ADAMTS17: variants seen among roughly 807,000 people sequenced by gnomAD.
ADAMTS17 encodes A disintegrin and metalloproteinase with thrombospondin motifs 17.
ADAMTS17 carries 113 observed loss-of-function variants against 141.5 expected under a neutral mutation model. The observed-to-expected ratio is 0.80, with a 90% CI of 0.69 to 0.93. The LOEUF (loss-of-function observed/expected upper bound fraction) is 0.93. ADAMTS17 is among the 40% of genes least tolerant of loss of function. The pLI is 0.00. For missense variants in ADAMTS17, 1,659 were observed against 1,517.9 expected, an observed-to-expected ratio of 1.09 and a Z score of -1.54; for synonymous variants, 768 against 630.6, an observed-to-expected ratio of 1.22 and a Z score of -3.27.
At chr15:100,109,202 C>G in intron 13 of ADAMTS17, 86 bp from the exon 14 acceptor site, 1 of 1,543,138 alleles carries the variant, frequency 6.5e-7, no homozygotes, top group Non-Finnish European at 8.8e-7. Flanking sequence ...CAGAGGGAAA[C>G]CCTGAGGAAG....
intron 18 of ADAMTS17, among the ~76,000 whole-genome samples, chr15:100,031,008 C>T (rs148698448): frequency 2.7e-4 from 41 of 152,298 alleles, no homozygotes; most frequent in African/African-American, 8.2e-4. Context: ...CTGGCGTTCA[C>T]GGAGTGCTGA....
chr15:100,159,184 G>C (rs2039577196), intron 8 of ADAMTS17, among the ~76,000 whole-genome samples: 1 of 152,162 alleles, frequency 6.6e-6, no homozygotes, highest in Admixed American at 6.5e-5. Context: ...TTCAGTTACA[G>C]CATTATTCAC....
intron 14 of ADAMTS17, among the ~76,000 whole-genome samples, chr15:100,099,382 G>A (rs1246346340): frequency 6.6e-6 from 1 of 152,212 alleles, no homozygotes; most frequent in African/African-American, 2.4e-5. Flanking sequence ...AATCTTGGCA[G>A]AAACTGGGAT....
At chr15:100,089,248 C>T (rs557839694) in intron 15 of ADAMTS17, among the ~76,000 whole-genome samples, 1 of 134,010 alleles carries the variant, frequency 7.5e-6, no homozygotes, top group Non-Finnish European at 1.5e-5. Context: ...CTCATCATCA[C>T]TGGCCATCAG....
chr15:100,216,810 T>C (rs1203088371), intron 7 of ADAMTS17, among the ~76,000 whole-genome samples: 1 of 152,158 alleles, frequency 6.6e-6, no homozygotes, highest in Non-Finnish European at 1.5e-5. Context: ...ACAAAACTTT[T>C]TCAGATTTTG....
chr15:100,197,451 C>T (rs931476231), intron 8 of ADAMTS17, among the ~76,000 whole-genome samples: 3 of 152,140 alleles, frequency 2.0e-5, no homozygotes, highest in Admixed American at 6.5e-5. Context: ...GTTTGCCAAA[C>T]CCATTCTGAT....
chr15:100,116,906 T>C lies in ADAMTS17; in HGVS notation c.1829A>G (p.Gln610Arg). ...CTTGGGGCTCAGCCGGTCGTGTGCC[T>C]GGCACTGCTGGTCCCGGAAGCTGGG... ...GLPSFRDQQCQAHDRLSPKKK... is the reference protein window; with the variant it reads ...GLPSFRDQQCRAHDRLSPKKK... The change falls in exon 13 of 22, where the codon CAG becomes CGG. Residue 610 changes from glutamine (Q) to arginine (R), a missense_variant. By Grantham distance (43) the Gln-to-Arg change is conservative. Transcript: ENST00000268070. The C allele has an allele frequency of 6.8e-6, 11 of 1,614,198 alleles. No homozygotes were observed. The highest frequency in any genetic ancestry group is 7.6e-6 in the Non-Finnish European group (9 of 1,180,036).
At chr15:100,104,856 A>C (rs2036320333) in intron 14 of ADAMTS17, among the ~76,000 whole-genome samples, 2 of 152,206 alleles carry the variant, frequency 1.3e-5, no homozygotes. Context: ...AGAATGTTTC[A>C]TCTTGACAAT....
Position 99,993,423 on chromosome 15 carries a change from A to C in ADAMTS17, c.2797-223T>G, listed in dbSNP as rs931841616. On this transcript the variant is annotated intron_variant, in intron 19 of 21. Coordinates refer to ENST00000268070, the MANE Select transcript of ADAMTS17 (RefSeq NM_139057.4). The surrounding 1 kb of genome is among the most constrained non-coding windows in gnomAD (Gnocchi z 4.3). ...GTGTTGTGGAAGGGACCTAGGAATC[A>C]GGAGTGGGAAGAACCTGGGGTACTC... Among the ~76,000 whole-genome samples, 1 of 152,196 alleles carries C rather than the reference A, an allele frequency of 6.6e-6. No individual in the cohort carries two copies. Among genetic ancestry groups the C allele is most frequent in the Non-Finnish European group, 1.5e-5 (1 of 68,034 alleles).
At chr15:100,062,429 C>T (rs7171339) in intron 15 of ADAMTS17, among the ~76,000 whole-genome samples, 3,498 of 152,190 alleles carry the variant, frequency 0.023, 139 homozygotes, top group African/African-American at 0.077. Context: ...GGCAGGTGTG[C>T]GAGGAGCATC....
chr15:100,341,294 G>C lies in ADAMTS17; in HGVS notation c.195C>G (p.Pro65=). The C allele has an allele frequency of 9.0e-7, 1 of 1,115,386 alleles. No individual in the cohort carries two copies. Among genetic ancestry groups the C allele is most frequent in the Non-Finnish European group, 1.1e-6 (1 of 916,852 alleles). 69.1% of individuals were successfully genotyped at this position (1,115,386 alleles called of 1,614,324 possible). A position where few individuals can be genotyped will look rare whatever the true frequency, so the allele number is the denominator to read the frequency against. Residue 65 remains proline, a synonymous_variant, in exon 2 of 22, where the codon CCC becomes CCG. Coordinates refer to ENST00000268070, the MANE Select transcript of ADAMTS17 (RefSeq NM_139057.4). The part of the protein sequence containing the change: ...AAPGPRRRRR[P]RTPPAAPRAR... ...CGCGCGGGGCGGCTGGGGGCGTGCG[G>C]GGGCGTCGCCGCCGTCGGGGCCCGG...
intron 8 of ADAMTS17, among the ~76,000 whole-genome samples, chr15:100,177,806 T>G (rs546552712): frequency 6.6e-6 from 1 of 152,276 alleles, no homozygotes; most frequent in East Asian, 1.9e-4. Context: ...TTCTCTCAGG[T>G]TAGTTTTTGT....
intron 15 of ADAMTS17, among the ~76,000 whole-genome samples, chr15:100,085,302 A>T (rs1477832227): frequency 6.6e-6 from 1 of 151,340 alleles, no homozygotes; most frequent in Non-Finnish European, 1.5e-5. Context: ...AAAAAAGAAT[A>T]CAAAGAAACG....
At chr15:100,279,264 G>A (rs1321460829) in intron 4 of ADAMTS17, among the ~76,000 whole-genome samples, 2 of 152,188 alleles carry the variant, frequency 1.3e-5, no homozygotes, top group African/African-American at 4.8e-5. Context: ...TGGGCTTCAT[G>A]TCAGAGCCAA....
chr15:100,211,545 G>T (rs140511020), intron 7 of ADAMTS17, among the ~76,000 whole-genome samples: 45 of 152,178 alleles, frequency 3.0e-4, no homozygotes, highest in African/African-American at 1.1e-3. Context: ...ATGTAGTGGA[G>T]GTCTTTATGT....
In ADAMTS17 at chr15:100,272,757, C is replaced by A. The variant is rs143238290; in HGVS notation, c.789+8472G>T. Among the ~76,000 whole-genome samples, 660 of 151,110 alleles carry A rather than the reference C, an allele frequency of 4.4e-3. 7 individuals carry two copies. The highest frequency in any genetic ancestry group is 0.01 in the Middle Eastern group (3 of 294). On this transcript the variant is annotated intron_variant, in intron 4 of 21. Coordinates refer to ENST00000268070, the MANE Select transcript of ADAMTS17 (RefSeq NM_139057.4). ...TGAACAGAAGTAGCAAAAGCAGGCACTCTTGCCTTGTTCCAGATTTTAAAG... is the reference window on the plus strand; with the variant it reads ...TGAACAGAAGTAGCAAAAGCAGGCAATCTTGCCTTGTTCCAGATTTTAAAG...
intron 20 of ADAMTS17, among the ~76,000 whole-genome samples, chr15:99,977,384 ATATATATATATATATAATTTTTTTTTTT>A (rs1432644980): frequency 3.4e-4 from 5 of 14,784 alleles, no homozygotes; most frequent in African/African-American, 1.3e-3. Flanking sequence ...ATATATATAT[ATATATATATATATATAATTTTTTTTTTT>A]TTTTTTTTTT....
chr15:100,157,280 C>A (rs76770704), intron 8 of ADAMTS17, among the ~76,000 whole-genome samples: 22,242 of 152,108 alleles, frequency 0.15, 1,782 homozygotes, highest in Middle Eastern at 0.19. Context: ...ACATGGAAGT[C>A]CAATTGGCAG....
intron 8 of ADAMTS17, among the ~76,000 whole-genome samples, chr15:100,186,202 C>T (rs2040710676): frequency 6.6e-6 from 1 of 152,196 alleles, no homozygotes; most frequent in African/African-American, 2.4e-5. Context: ...GCATTTCCTC[C>T]ATCCTGTACA....
Sources: allele counts gnomAD v4.1 joint callset (sites outside exome capture counted in the v4.1 genomes callset), GRCh38; gene constraint gnomAD v4.1.1; non-coding constraint Gnocchi (gnomAD v3.1); transcripts MANE v1.5; gene names NCBI Gene and HGNC (gene_info 2026-07-23, HGNC 2026-07-21).